Variants in GPATCH1 observed in about 807,000 individuals in gnomAD.
GPATCH1 encodes G patch domain-containing protein 1.
A neutral mutation model predicts 114.9 loss-of-function variants in GPATCH1; 73 were observed. That is an observed-to-expected ratio of 0.64 (90% CI 0.53 to 0.77). The LOEUF is 0.77. Ranked by LOEUF, GPATCH1 falls within the 30% of genes least tolerant of loss-of-function variation. The probability of loss-of-function intolerance (pLI) is 0.00; values close to 1 mark genes in which losing one functional copy is unlikely to be tolerated. For missense variants in GPATCH1, 1,058 were observed against 1,144.3 expected (o/e 0.92, Z 1.09); for synonymous variants, 391 against 428.4 (o/e 0.91, Z 1.08).
chr19:33,128,527 C>T (rs898820257), intron 19 of GPATCH1, among the ~76,000 whole-genome samples: 12 of 151,986 alleles, frequency 7.9e-5, no homozygotes, highest in South Asian at 4.2e-4. Flanking sequence ...CCCAAAGTGC[C>T]GGGATTACAG....
At position 33,125,171 on chromosome 19, in the gene GPATCH1, C is replaced by T. The variant is rs73039449; in HGVS notation, c.2588C>T (p.Ala863Val). Residue 863 changes from alanine to valine, a missense_variant, in exon 18 of 20, where the codon GCC (alanine) becomes GTC (valine). Ala to Val is a moderately conservative substitution (Grantham distance 64). Coordinates refer to ENST00000170564, the MANE Select transcript of GPATCH1 (RefSeq NM_018025.3). ...KHKKNKDKHK[A>V]KKEHRRKKEK... ...AAAAAGAACAAAGACAAGCACAAGG[C>T]CAAGAAAGAGCACAGGCGGAAGAAA... The T allele has an allele frequency of 9.4e-3, 14,961 of 1,596,528 alleles. 104 individuals are homozygous for T. Among genetic ancestry groups the T allele is most frequent in the Middle Eastern group, 0.034 (203 of 6,048 alleles).
At chr19:33,083,310 G>A (rs1972500477) in intron 1 of GPATCH1, among the ~76,000 whole-genome samples, 1 of 149,716 alleles carries the variant, frequency 6.7e-6, no homozygotes, top group African/African-American at 2.5e-5. Flanking sequence ...TTGAACTCCT[G>A]GCCTCAAGTA....
chr19:33,114,255 T>C lies in GPATCH1; in HGVS notation c.2032T>C (p.Ser678Pro), dbSNP rs1972891327. Residue 678 changes from serine (S) to proline (P), a missense_variant and splice_region_variant, in exon 15 of 20, where the codon TCA becomes CCA. By Grantham distance (74) the Ser-to-Pro change is moderately conservative (BLOSUM62 -1). Transcript: ENST00000170564. The stretch of plus-strand genomic sequence containing the variant: ...TATATCTATGTCCTGCCTTTCAGAA[T>C]CAAGAAAACCATCCAGATGGGATAC... ...KVSQHRGPDK[S>P]RKPSRWDTSK... is the part of the protein sequence containing the mutation. The C allele has an allele frequency of 4.4e-6, 7 of 1,608,234 alleles. No individual in the cohort carries two copies. The highest frequency in any genetic ancestry group is 5.9e-6 in the Non-Finnish European group (7 of 1,177,946).
chr19:33,128,182 G>A (rs1490070370), intron 19 of GPATCH1, among the ~76,000 whole-genome samples: 3 of 152,060 alleles, frequency 2.0e-5, no homozygotes, highest in Non-Finnish European at 4.4e-5. Flanking sequence ...CTGCCTCTCC[G>A]GCTCAAGGGA....
At chr19:33,083,719 G>A (rs1292728471) in intron 1 of GPATCH1, among the ~76,000 whole-genome samples, 1 of 151,892 alleles carries the variant, frequency 6.6e-6, no homozygotes, top group Non-Finnish European at 1.5e-5. Context: ...TGAAGTGGAA[G>A]GAAAGGACAT....
chr19:33,126,621 A>T lies in GPATCH1; in HGVS notation c.2653A>T (p.Lys885Ter). Residue 885 changes from lysine to a stop codon, truncating the protein, a stop_gained, in exon 19 of 20, where the codon AAG (lysine) becomes TAG (stop). Transcript: ENST00000170564. LOFTEE classifies it high-confidence loss of function. ...ACACAGGAAGCACAAACACAAAGGCAAGCAAAAGAATAAAAAACCAGAGAA... is the reference window on the plus strand; with the variant it reads ...ACACAGGAAGCACAAACACAAAGGCTAGCAAAAGAATAAAAAACCAGAGAA... ...KKHRKHKHKGKQKNKKPEKSS... is the reference protein window; with the variant it reads ...KKHRKHKHKG The T allele has an allele frequency of 6.2e-7, 1 of 1,613,746 alleles. No individual in the cohort carries two copies. Among genetic ancestry groups the T allele is most frequent in the Non-Finnish European group, 8.5e-7 (1 of 1,179,766 alleles).
At position 33,118,298 on chromosome 19, in the gene GPATCH1, C is replaced by G. The variant is rs553371799; in HGVS notation, c.2413+257C>G. Among the ~76,000 whole-genome samples the G allele has an allele frequency of 2.6e-5, 4 of 151,428 alleles. No homozygotes were observed. In the East Asian group the frequency reaches 7.8e-4, roughly 30 times the overall value. On this transcript the variant is annotated intron_variant, in intron 16 of 19. Transcript: ENST00000170564. The stretch of plus-strand genomic sequence containing the variant: ...GGCTCAAGCAATCCTCCCACTTCAG[C>G]CTCCTGAGTAGCTGGGACTACAGGA...
At chr19:33,100,924 G>C (rs1435022332) in intron 8 of GPATCH1, among the ~76,000 whole-genome samples, 2 of 152,116 alleles carry the variant, frequency 1.3e-5, no homozygotes, top group African/African-American at 4.8e-5. Flanking sequence ...ATGACCAGAA[G>C]ACGATCCCCA....
chr19:33,112,389 TCA>T, intron 12 of GPATCH1, 95 bp from the exon 13 acceptor site: 1 of 1,411,478 alleles, frequency 7.1e-7, no homozygotes, highest in Non-Finnish European at 9.8e-7. Context: ...CAAACTTTTT[TCA>T]CAGTTCTAGA....
intron 1 of GPATCH1, among the ~76,000 whole-genome samples, chr19:33,082,138 T>TTACACA (rs1972485379): frequency 8.5e-6 from 1 of 117,990 alleles, no homozygotes; most frequent in Non-Finnish European, 1.8e-5. Flanking sequence ...GTGGTGGTGG[T>TTACACA]GTGTAGTGGT....
At chr19:33,112,652 T>G in intron 13 of GPATCH1, 39 bp downstream of exon 13, 1 of 1,555,924 alleles carries the variant, frequency 6.4e-7, no homozygotes, top group Admixed American at 1.8e-5. Context: ...CAAAATGTAT[T>G]CTTGATATTA....
chr19:33,105,039 C>T (rs1972767741), intron 9 of GPATCH1, among the ~76,000 whole-genome samples: 1 of 152,170 alleles, frequency 6.6e-6, no homozygotes, highest in South Asian at 2.1e-4. Flanking sequence ...CTTCCGTCAA[C>T]TTTTAAATTA....
intron 15 of GPATCH1, among the ~76,000 whole-genome samples, chr19:33,114,756 C>T (rs921838568): frequency 2.0e-5 from 3 of 150,334 alleles, no homozygotes; most frequent in Admixed American, 1.3e-4. Context: ...TTTTGAAGTG[C>T]ACTTCTTAGG....
At chr19:33,124,962 C>A in intron 17 of GPATCH1, 143 bp from the exon 18 acceptor site, 1 of 780,606 alleles carries the variant, frequency 1.3e-6, no homozygotes, top group Non-Finnish European at 2.0e-6. Flanking sequence ...GAGGCAGAAG[C>A]TAATCCAAGG....
chr19:33,129,196 G>A (rs1973075987), intron 19 of GPATCH1, among the ~76,000 whole-genome samples: 4 of 151,574 alleles, frequency 2.6e-5, no homozygotes. Context: ...GCAGTGAACC[G>A]AGATCGCGCC....
Position 33,125,113 on chromosome 19 carries a change from C to G in GPATCH1, c.2530C>G (p.Gln844Glu), listed in dbSNP as rs1338960397. The G allele has an allele frequency of 1.9e-6, 3 of 1,598,680 alleles. No homozygotes were observed. The highest frequency in any genetic ancestry group is 2.6e-6 in the Non-Finnish European group (3 of 1,172,412). Residue 844 changes from glutamine (Q) to glutamate (E), a missense_variant, in exon 18 of 20, where the codon CAG becomes GAG. This residue lies in a region of GPATCH1 where 893 missense variants were observed against 977.4 expected (regional missense o/e 0.91). Transcript: ENST00000170564. The stretch of plus-strand genomic sequence containing the variant: ...TTACCTTTGTGTTTCAGATGCTCGT[C>G]AGACACTTGAGGTTCCTCAAAAAGA... ...LPPVFCPNAR[Q>E]TLEVPQKEKH...
intron 1 of GPATCH1, among the ~76,000 whole-genome samples, chr19:33,087,544 C>T (rs778022611): frequency 2.0e-5 from 3 of 152,010 alleles, no homozygotes; most frequent in Non-Finnish European, 4.4e-5. Flanking sequence ...GGAAAAATGC[C>T]GGATTCAGGG....
intron 15 of GPATCH1, among the ~76,000 whole-genome samples, chr19:33,116,974 TGTTTGAGGCTAGGA>T (rs1219870784): frequency 6.6e-6 from 1 of 151,992 alleles, no homozygotes; most frequent in African/African-American, 2.4e-5. Flanking sequence ...GCAGGGGGCT[TGTTTGAGGCTAGGA>T]GTTTGAGACT....
At chr19:33,119,480 A>G (rs1051036979) in intron 17 of GPATCH1, among the ~76,000 whole-genome samples, 25 of 148,884 alleles carry the variant, frequency 1.7e-4, no homozygotes, top group Non-Finnish European at 3.3e-4. Context: ...TGGGCGGATC[A>G]CGAGGTCAAG....
Sources: allele counts gnomAD v4.1 joint callset (sites outside exome capture counted in the v4.1 genomes callset), GRCh38; gene constraint gnomAD v4.1.1; regional missense constraint gnomAD v4.1.1; transcripts MANE v1.5; gene names NCBI Gene and HGNC (gene_info 2026-07-23, HGNC 2026-07-21).